The following DPYSL5 variants were observed in gnomAD, a reference collection of about 807,000 sequenced individuals.
The protein encoded by DPYSL5 is dihydropyrimidinase-related protein 5.
In DPYSL5, 9 loss-of-function variants were observed where a neutral mutation model predicts 58.4. The observed-to-expected ratio is 0.15, with a 90% CI of 0.09 to 0.27. The LOEUF is 0.27. DPYSL5 is among the 10% of genes least tolerant of loss of function. The probability of loss-of-function intolerance (pLI) is 1.00; values close to 1 mark genes in which losing one functional copy is unlikely to be tolerated. For synonymous variants in DPYSL5, 293 were observed against 301.9 expected, an observed-to-expected ratio of 0.97 and a Z score of 0.31; for missense variants, 499 against 770.6, an observed-to-expected ratio of 0.65 and a Z score of 4.17.
At chr2:26,879,263 T>C (rs1205631647) in intron 1 of DPYSL5, among the ~76,000 whole-genome samples, 1 of 152,068 alleles carries the variant, frequency 6.6e-6, no homozygotes, top group Non-Finnish European at 1.5e-5. Flanking sequence ...AGAAATTGAT[T>C]TAGTAGGTAG....
intron 1 of DPYSL5, among the ~76,000 whole-genome samples, chr2:26,892,300 T>G (rs1375589889): frequency 6.6e-6 from 1 of 152,234 alleles, no homozygotes; most frequent in Non-Finnish European, 1.5e-5. Context: ...GTTTATTTAC[T>G]GAGAGCTCTT....
intron 2 of DPYSL5, among the ~76,000 whole-genome samples, chr2:26,904,137 C>A (rs1318691842): frequency 1.3e-5 from 2 of 152,194 alleles, no homozygotes; most frequent in Non-Finnish European, 2.9e-5. Context: ...TGGCCTGCCA[C>A]CCCTCACCCC....
At position 26,940,937 on chromosome 2, in the gene DPYSL5, A is replaced by T. The variant is rs1225477266; in HGVS notation, c.1089+765A>T. Among the ~76,000 whole-genome samples the T allele has an allele frequency of 8.1e-3, 331 of 40,648 alleles. 1 individual carries two copies. Among genetic ancestry groups the T allele is most frequent in the South Asian group, 0.028 (25 of 908 alleles). The allele number at this position is 40,648 out of a possible 152,430, so 26.7% of individuals were successfully genotyped here. A position where few individuals can be genotyped will look rare whatever the true frequency, so the allele number is the denominator to read the frequency against. ...TCTGATTATTATTATTATTATTATT[A>T]TTTATTTTTTTTTGTGTGTGATAGA... On this transcript the variant is annotated intron_variant, in intron 9 of 12. Transcript: ENST00000288699.
chr2:26,860,032 G>A (rs1665970765), intron 1 of DPYSL5, among the ~76,000 whole-genome samples: 1 of 152,132 alleles, frequency 6.6e-6, no homozygotes, highest in Admixed American at 6.6e-5. Flanking sequence ...GAGAGATCTT[G>A]GGTAAAGTCA....
intron 1 of DPYSL5, chr2:26,848,651 CG>C (rs1665660591): frequency 6.6e-6 from 1 of 152,306 alleles, no homozygotes. Flanking sequence ...CGCCTCTGGC[CG>C]GGGGCCAGTC....
rs767351312 is a variant in DPYSL5 at position 26,927,454 on chromosome 2, T to C, written c.600+22T>C. 3.1e-6 allele frequency: 5 copies of C among 1,611,388 alleles called. No individual in the cohort carries two copies. In the African/African-American group the frequency reaches 5.4e-5, roughly 17 times the overall value. On this transcript the variant is annotated intron_variant, in intron 4 of 12. Transcript: ENST00000288699. The surrounding 1 kb of genome is among the most constrained non-coding windows in gnomAD (Gnocchi z 4.3). ...CGAGGCAAGTCTGCAGCCAAGAATATTGGATGGAGGGACACCAGTGGAGAC... is the reference window on the plus strand; with the variant it reads ...CGAGGCAAGTCTGCAGCCAAGAATACTGGATGGAGGGACACCAGTGGAGAC...
At position 26,924,502 on chromosome 2, in the gene DPYSL5, A is replaced by T. The variant is rs528658746; in HGVS notation, c.262-385A>T. 6.6e-6 allele frequency among the ~76,000 whole-genome samples: 1 copy of T among 152,336 alleles called. No homozygotes were observed. Among genetic ancestry groups the T allele is most frequent in the South Asian group, 2.1e-4 (1 of 4,826 alleles). ...ATGTTATTATATGATACAACACTAT[A>T]TTATGTTATATATTACATGCAGACA... On this transcript the variant is annotated intron_variant, in intron 2 of 12. Transcript: ENST00000288699. The surrounding 1 kb of genome is among the most constrained non-coding windows in gnomAD (Gnocchi z 4.7).
At chr2:26,926,052 C>T (rs1464850467) in intron 3 of DPYSL5, among the ~76,000 whole-genome samples, 1 of 152,172 alleles carries the variant, frequency 6.6e-6, no homozygotes, top group African/African-American at 2.4e-5. Flanking sequence ...TGTTCTTAAT[C>T]ATAAAAAGAA....
At chr2:26,876,961 C>CTTT (rs10707678) in intron 1 of DPYSL5, among the ~76,000 whole-genome samples, 16 of 112,234 alleles carry the variant, frequency 1.4e-4, no homozygotes, top group African/African-American at 3.1e-4. Context: ...TCCACAGCCA[C>CTTT]TTTTTTTTTT....
intron 12 of DPYSL5, 49 bp from the exon 13 acceptor site, chr2:26,946,861 T>C: frequency 6.6e-7 from 1 of 1,504,216 alleles, no homozygotes; most frequent in Non-Finnish European, 9.2e-7. Flanking sequence ...CTGTGGTTTG[T>C]TAGCAGGCAC....
intron 2 of DPYSL5, among the ~76,000 whole-genome samples, chr2:26,910,720 G>C (rs1664417797): frequency 6.7e-6 from 1 of 149,766 alleles, no homozygotes; most frequent in Admixed American, 6.7e-5. Flanking sequence ...CTCCCAAAGT[G>C]CTGGGATTAC....
At position 26,944,577 on chromosome 2, in the gene DPYSL5, C is replaced by T. The variant is rs1407719900; in HGVS notation, c.1441-79C>T. On this transcript the variant is annotated intron_variant, in intron 11 of 12. Transcript: ENST00000288699. This position sits in a 1 kb window ranked among gnomAD's most constrained non-coding sequence, Gnocchi z 4.4. ...TGGCAGTGTCTAATGTCCCACCGGC[C>T]CCCAGGGAGGCCATGGTTGTATCAC... 6.6e-7 allele frequency: 1 copy of T among 1,514,646 alleles called. No homozygotes were observed. The highest frequency in any genetic ancestry group is 9.0e-7 in the Non-Finnish European group (1 of 1,115,340). The allele number at this position is 1,514,646 out of a possible 1,614,324, so 93.8% of individuals were successfully genotyped here. A position where few individuals can be genotyped will look rare whatever the true frequency, so the allele number is the denominator to read the frequency against.
intron 2 of DPYSL5, among the ~76,000 whole-genome samples, chr2:26,921,060 C>A (rs1469137263): frequency 1.3e-5 from 2 of 152,084 alleles, no homozygotes; most frequent in Non-Finnish European, 2.9e-5. Context: ...TTTGACAGGG[C>A]AGAAGCATGA....
intron 2 of DPYSL5, among the ~76,000 whole-genome samples, chr2:26,909,869 TA>T (rs532390035): frequency 2.4e-3 from 359 of 148,212 alleles, no homozygotes; most frequent in Admixed American, 3.7e-3. Context: ...AAGCCACCTT[TA>T]AAAAAAAAAG....
At chr2:26,895,812 G>A (rs1182648385) in intron 1 of DPYSL5, among the ~76,000 whole-genome samples, 22 of 120,540 alleles carry the variant, frequency 1.8e-4, no homozygotes, top group Middle Eastern at 6.7e-3. Flanking sequence ...ATGGCGTCTC[G>A]CTGTGTCGCC....
intron 1 of DPYSL5, among the ~76,000 whole-genome samples, chr2:26,876,560 G>T (rs559223480): frequency 2.0e-5 from 3 of 152,196 alleles, no homozygotes; most frequent in Non-Finnish European, 4.4e-5. Context: ...TCGTCACCCA[G>T]GCTGGAGCGC....
intron 1 of DPYSL5, among the ~76,000 whole-genome samples, chr2:26,857,996 C>A (rs186944619): frequency 6.6e-6 from 1 of 152,100 alleles, no homozygotes; most frequent in Non-Finnish European, 1.5e-5. Context: ...TAATGAAACA[C>A]GAGCAGCCAG....
intron 5 of DPYSL5, among the ~76,000 whole-genome samples, chr2:26,931,147 A>AT (rs1664963630): frequency 1.4e-4 from 6 of 41,618 alleles, no homozygotes; most frequent in African/African-American, 3.8e-4. Context: ...TAAAAAAAAA[A>AT]AAAAAATATA....
chr2:26,929,860 A>G (rs1664927376), intron 5 of DPYSL5, among the ~76,000 whole-genome samples: 1 of 152,258 alleles, frequency 6.6e-6, no homozygotes, highest in Non-Finnish European at 1.5e-5. Flanking sequence ...GAGGGACCAC[A>G]TTAGACGAAT....
Sources: allele counts gnomAD v4.1 joint callset (sites outside exome capture counted in the v4.1 genomes callset), GRCh38; gene constraint gnomAD v4.1.1; non-coding constraint Gnocchi (gnomAD v3.1); transcripts MANE v1.5; gene names NCBI Gene and HGNC (gene_info 2026-07-23, HGNC 2026-07-21).